The following DISP1 variants were observed in gnomAD, a reference collection of about 807,000 sequenced individuals.
DISP1 encodes the protein dispatched RND transporter family member 1, also known as protein dispatched homolog 1.
In DISP1, 30 loss-of-function variants were observed where a neutral mutation model predicts 37.3. The observed-to-expected ratio is 0.80, with a 90% CI of 0.60 to 1.09. The LOEUF is 1.09. Ranked by LOEUF, DISP1 falls within the 50% of genes least tolerant of loss-of-function variation. DISP1 has a pLI of 0.00. For missense variants in DISP1, 1,598 were observed against 1,879.5 expected (o/e 0.85, Z 2.77); for synonymous variants, 634 against 690.2 (o/e 0.92, Z 1.28).
At chr1:222,930,217 A>G (rs536675492) in intron 2 of DISP1, among the ~76,000 whole-genome samples, 1 of 152,196 alleles carries the variant, frequency 6.6e-6, no homozygotes, top group South Asian at 2.1e-4. Flanking sequence ...GAGTTCTGGG[A>G]CTGGATCTGA....
chr1:222,967,771 C>T lies in DISP1; in HGVS notation c.510-15309C>T, dbSNP rs80344600. The stretch of plus-strand genomic sequence containing the variant: ...GATCTATATGCACAAGGAAAGCATA[C>T]GGGAGTCTTGGTGTTCATGCATTTG... On this transcript the variant is annotated intron_variant, in intron 3 of 8. Transcript: ENST00000675850. Among the ~76,000 whole-genome samples, 671 of 152,256 alleles carry T rather than the reference C, an allele frequency of 4.4e-3. 18 individuals are homozygous for T. The East Asian group carries it at 0.069, about 16-fold the overall frequency.
Position 223,003,060 on chromosome 1 carries a change from T to G in DISP1, c.1663T>G (p.Phe555Val), listed in dbSNP as rs1485421031. The G allele has an allele frequency of 6.2e-6, 10 of 1,614,218 alleles. No individual in the cohort carries two copies. The South Asian group carries it at 1.1e-4, about 18-fold the overall frequency. Residue 555 changes from phenylalanine to valine, a missense_variant, in exon 9 of 9, where the codon TTT becomes GTT. Coordinates refer to ENST00000675850, the MANE Select transcript of DISP1 (RefSeq NM_001377229.1). The surrounding 1 kb of genome is among the most constrained non-coding windows in gnomAD (Gnocchi z 4.3). ...TCGTGTAGTATTTCACTTCGAATTTTTTCCTTTTATGAACCTCACTGCCCT... is the reference window on the plus strand; with the variant it reads ...TCGTGTAGTATTTCACTTCGAATTTGTTCCTTTTATGAACCTCACTGCCCT... ...LYRVVFHFEF[F>V]PFMNLTALII...
chr1:222,980,490 A>G (rs142189163), intron 3 of DISP1, among the ~76,000 whole-genome samples: 4 of 151,894 alleles, frequency 2.6e-5, no homozygotes, highest in Admixed American at 2.6e-4. Flanking sequence ...TTATGTCCCT[A>G]GCTTCTTGCT....
At chr1:222,975,659 T>C (rs1572671175) in intron 3 of DISP1, among the ~76,000 whole-genome samples, 1 of 152,348 alleles carries the variant, frequency 6.6e-6, no homozygotes, top group East Asian at 1.9e-4. Flanking sequence ...CTGAGAACTT[T>C]ACAGTCTCAT....
Position 223,005,995 on chromosome 1 carries a change from A to G in DISP1, c.*23A>G. 6.3e-7 allele frequency: 1 copy of G among 1,577,004 alleles called. No individual in the cohort carries two copies. The highest frequency in any genetic ancestry group is 8.7e-7 in the Non-Finnish European group (1 of 1,151,066). On this transcript the variant is annotated 3_prime_UTR_variant, in exon 9 of 9. Coordinates refer to ENST00000675850, the MANE Select transcript of DISP1 (RefSeq NM_001377229.1). Reference sequence around the variant, plus strand: ...TAATAAATGCAGCATTCAATTCAGAACCAGTGCCTCAATTATTCTTTTAAC... The same window carrying G: ...TAATAAATGCAGCATTCAATTCAGAGCCAGTGCCTCAATTATTCTTTTAAC...
chr1:222,849,151 T>G (rs1668087019), intron 1 of DISP1, among the ~76,000 whole-genome samples: 1 of 152,196 alleles, frequency 6.6e-6, no homozygotes, highest in South Asian at 2.1e-4. Flanking sequence ...TTCAGTTATT[T>G]GACTACCATC....
At chr1:222,897,283 A>G (rs1671318310) in intron 1 of DISP1, among the ~76,000 whole-genome samples, 2 of 152,208 alleles carry the variant, frequency 1.3e-5, no homozygotes, top group South Asian at 4.1e-4. Flanking sequence ...CTATGATGAT[A>G]GAAATGATCA....
At chr1:222,840,098 GAA>G (rs1558286450) in intron 1 of DISP1, among the ~76,000 whole-genome samples, 1 of 152,118 alleles carries the variant, frequency 6.6e-6, no homozygotes, top group African/African-American at 2.4e-5. Flanking sequence ...AAACTGTACT[GAA>G]AATAAAAACC....
intron 1 of DISP1, among the ~76,000 whole-genome samples, chr1:222,888,462 TTGGGTAAAAAG>T (rs1267955505): frequency 6.6e-6 from 1 of 152,118 alleles, no homozygotes; most frequent in Non-Finnish European, 1.5e-5. Context: ...GGTATTTTTA[TTGGGTAAAAAG>T]GGTAAAAAGT....
intron 1 of DISP1, among the ~76,000 whole-genome samples, chr1:222,869,846 T>A (rs2125341478): frequency 6.6e-6 from 1 of 152,220 alleles, no homozygotes; most frequent in South Asian, 2.1e-4. Flanking sequence ...CGTGCAGGTT[T>A]GTTACATATG....
intron 4 of DISP1, chr1:222,989,500 A>G: frequency 1.0e-6 from 1 of 985,440 alleles, no homozygotes; most frequent in Non-Finnish European, 1.2e-6. Flanking sequence ...TGGAAGGGAT[A>G]CAGAAACAGA....
chr1:222,978,660 C>G (rs1183970400), intron 3 of DISP1, among the ~76,000 whole-genome samples: 1 of 152,110 alleles, frequency 6.6e-6, no homozygotes, highest in Non-Finnish European at 1.5e-5. Context: ...TTAGGTCTAA[C>G]ATTTAAGTCT....
In DISP1 at chr1:222,991,648, G is replaced by A. The variant is rs1678703251; in HGVS notation, c.791+1G>A. On this transcript the variant is annotated splice_donor_variant, in intron 6 of 8. Transcript: ENST00000675850. LOFTEE classifies it high-confidence loss of function. ...AATATGCAGATGAACAAGCCAAAAG[G>A]TAATCAATTATTTATTTTTATATAA... 6.2e-7 allele frequency: 1 copy of A among 1,611,746 alleles called. No individual in the cohort carries two copies. The highest frequency in any genetic ancestry group is 1.3e-5 in the African/African-American group (1 of 74,944).
chr1:222,917,870 A>G (rs1672582876), intron 1 of DISP1, among the ~76,000 whole-genome samples: 1 of 152,196 alleles, frequency 6.6e-6, no homozygotes, highest in African/African-American at 2.4e-5. Flanking sequence ...GGTTCAAGCA[A>G]TGGCCTATTT....
At chr1:222,842,138 A>G (rs1667644437) in intron 1 of DISP1, among the ~76,000 whole-genome samples, 1 of 152,110 alleles carries the variant, frequency 6.6e-6, no homozygotes, top group Admixed American at 6.5e-5. Context: ...TGTGTTTGAT[A>G]GTTTACAAAT....
chr1:222,886,782 C>G (rs1243048322), intron 1 of DISP1, among the ~76,000 whole-genome samples: 1 of 152,138 alleles, frequency 6.6e-6, no homozygotes, highest in Non-Finnish European at 1.5e-5. Flanking sequence ...AACAAAAATC[C>G]TTTGCCAAAA....
intron 3 of DISP1, among the ~76,000 whole-genome samples, chr1:222,954,739 G>A (rs1432794213): frequency 6.6e-6 from 1 of 152,148 alleles, no homozygotes; most frequent in Non-Finnish European, 1.5e-5. Flanking sequence ...GGCTGGGCCA[G>A]GCTGGCTCAC....
At chr1:222,982,954 C>A in intron 3 of DISP1, 126 bp from the exon 4 acceptor site, 8 of 714,250 alleles carry the variant, frequency 1.1e-5, no homozygotes, top group East Asian at 2.7e-5. Context: ...TTTTTTAACA[C>A]TTCCAAGATT....
chr1:222,948,304 A>G (rs1037053201), intron 3 of DISP1, among the ~76,000 whole-genome samples: 11 of 152,208 alleles, frequency 7.2e-5, no homozygotes, highest in African/African-American at 2.7e-4. Flanking sequence ...GCCAGCAGGT[A>G]TTATATTTGC....
Sources: gnomAD v4.1 joint callset for allele counts (sites outside exome capture counted in the v4.1 genomes callset) on GRCh38, gnomAD v4.1.1 for gene constraint, Gnocchi (gnomAD v3.1) non-coding constraint, MANE v1.5 for transcripts, NCBI Gene and HGNC (gene_info 2026-07-23, HGNC 2026-07-21) for gene names.